The following BABAM2 variants were observed in gnomAD, a reference collection of about 807,000 sequenced individuals.
The protein encoded by BABAM2 is BRISC and BRCA1-A complex member 2.
Under a neutral mutation model 54.7 loss-of-function variants are expected in BABAM2, and 31 were observed. That is an observed-to-expected ratio of 0.57 (90% CI 0.43 to 0.77). BABAM2 has a LOEUF of 0.77. Among genes scored for constraint, BABAM2 ranks in the 30% least tolerant of loss-of-function variants. BABAM2 has a pLI of 0.00. For missense variants in BABAM2, 364 were observed against 455.8 expected (o/e 0.80, Z 1.83); for synonymous variants, 167 against 162.9 (o/e 1.03, Z -0.19).
intron 11 of BABAM2, among the ~76,000 whole-genome samples, chr2:28,330,282 A>T (rs953818504): frequency 6.6e-6 from 1 of 152,238 alleles, no homozygotes; most frequent in South Asian, 2.1e-4. Flanking sequence ...CAAGACAAGG[A>T]TGCCCTCTCT....
intron 2 of BABAM2, among the ~76,000 whole-genome samples, chr2:27,899,607 C>A (rs753723960): frequency 1.1e-4 from 16 of 151,822 alleles, no homozygotes; most frequent in Admixed American, 6.6e-5. Flanking sequence ...TGAGTAGCTA[C>A]AGCGTCCGCC....
At chr2:27,903,787 CT>C (rs1333161111) in intron 2 of BABAM2, among the ~76,000 whole-genome samples, 1 of 152,138 alleles carries the variant, frequency 6.6e-6, no homozygotes, top group East Asian at 1.9e-4. Flanking sequence ...GCACAAATTT[CT>C]TTTTCCTTCT....
chr2:28,013,665 TAAAAAAA>T (rs55636414), intron 4 of BABAM2, among the ~76,000 whole-genome samples: 1 of 58,066 alleles, frequency 1.7e-5, no homozygotes, highest in Admixed American at 1.9e-4. Context: ...GTCCAGCAAG[TAAAAAAA>T]AAAAAAAAAA....
At chr2:28,276,337 G>A (rs1388177190) in intron 10 of BABAM2, among the ~76,000 whole-genome samples, 1 of 151,966 alleles carries the variant, frequency 6.6e-6, no homozygotes, top group African/African-American at 2.4e-5. Context: ...TGCAGACACA[G>A]CACCGAGATA....
chr2:28,280,222 C>T (rs1273618041), intron 10 of BABAM2, among the ~76,000 whole-genome samples: 3 of 151,900 alleles, frequency 2.0e-5, no homozygotes, highest in African/African-American at 7.3e-5. Flanking sequence ...CCACACTCAG[C>T]ACATTTTTTT....
At chr2:28,163,812 G>A (rs1240849759) in intron 7 of BABAM2, among the ~76,000 whole-genome samples, 1 of 152,196 alleles carries the variant, frequency 6.6e-6, no homozygotes, top group Non-Finnish European at 1.5e-5. Context: ...CTAAGGTAAT[G>A]TGATCTATCG....
At chr2:28,323,026 A>G (rs1054382589) in intron 11 of BABAM2, among the ~76,000 whole-genome samples, 1 of 152,212 alleles carries the variant, frequency 6.6e-6, no homozygotes, top group African/African-American at 2.4e-5. Flanking sequence ...GCGGCAGGCC[A>G]AGGAGGGCTC....
chr2:28,309,730 A>G lies in BABAM2; in HGVS notation c.1088+11239A>G, dbSNP rs370289032. ...ATGGACTGTCATCCCCTGTGGTTGT[A>G]TCTTCTTGGTACCAGCACAACCAGC... On this transcript the variant is annotated intron_variant, in intron 11 of 11. Coordinates refer to ENST00000379624, the MANE Select transcript of BABAM2 (RefSeq NM_199191.3). Among the ~76,000 whole-genome samples the G allele has an allele frequency of 3.3e-5, 5 of 152,146 alleles. No homozygotes were observed. The East Asian group carries it at 7.7e-4, about 23-fold the overall frequency.
intron 6 of BABAM2, among the ~76,000 whole-genome samples, chr2:28,072,594 C>T (rs1664261965): frequency 6.6e-6 from 1 of 152,100 alleles, no homozygotes; most frequent in Admixed American, 6.6e-5. Flanking sequence ...ACTGTGTTAG[C>T]CAGGATGGTC....
intron 7 of BABAM2, among the ~76,000 whole-genome samples, chr2:28,138,650 T>A (rs1670751710): frequency 6.6e-6 from 1 of 152,200 alleles, no homozygotes; most frequent in Non-Finnish European, 1.5e-5. Flanking sequence ...ACTTCCTGTC[T>A]TCCTGTCCCC....
chr2:28,012,274 G>T (rs1371779873), intron 4 of BABAM2, among the ~76,000 whole-genome samples: 1 of 152,164 alleles, frequency 6.6e-6, no homozygotes, highest in African/African-American at 2.4e-5. Flanking sequence ...AATCATATTT[G>T]CTAATTCCCT....
chr2:28,052,121 G>C (rs752512551), intron 6 of BABAM2, among the ~76,000 whole-genome samples: 1 of 152,064 alleles, frequency 6.6e-6, no homozygotes, highest in Non-Finnish European at 1.5e-5. Flanking sequence ...GTGTTCATGA[G>C]GATATGAATG....
intron 7 of BABAM2, among the ~76,000 whole-genome samples, chr2:28,203,568 T>C (rs1250638388): frequency 6.6e-6 from 1 of 152,244 alleles, no homozygotes; most frequent in Non-Finnish European, 1.5e-5. Flanking sequence ...ATCTCCACTC[T>C]TCCCATTCCC....
chr2:28,081,149 C>T (rs1313303144), intron 6 of BABAM2, among the ~76,000 whole-genome samples: 1 of 152,196 alleles, frequency 6.6e-6, no homozygotes, highest in Admixed American at 6.5e-5. Flanking sequence ...AAACGTAGTG[C>T]AGCCAGCCAC....
At chr2:28,085,526 G>C (rs1489879340) in intron 6 of BABAM2, among the ~76,000 whole-genome samples, 4 of 152,132 alleles carry the variant, frequency 2.6e-5, no homozygotes, top group East Asian at 3.8e-4. Flanking sequence ...GATGTTCAGA[G>C]TTACAGAAAT....
chr2:27,895,058 A>G (rs938333091), intron 2 of BABAM2: 2 of 170,458 alleles, frequency 1.2e-5, no homozygotes, highest in Non-Finnish European at 2.5e-5. Context: ...AACTCTCTTA[A>G]TGTGAATATT....
intron 6 of BABAM2, among the ~76,000 whole-genome samples, chr2:28,127,624 A>G (rs542902098): frequency 6.6e-6 from 1 of 152,186 alleles, no homozygotes; most frequent in South Asian, 2.1e-4. Flanking sequence ...CTGTGTATAC[A>G]TGTCACACTC....
chr2:27,969,574 CAAGCTACCTTCTA>C (rs1354432583), intron 3 of BABAM2, among the ~76,000 whole-genome samples: 2 of 152,132 alleles, frequency 1.3e-5, no homozygotes, highest in Non-Finnish European at 2.9e-5. Context: ...ATATACTGGC[CAAGCTACCTTCTA>C]GGCCAGGTAA....
intron 2 of BABAM2, among the ~76,000 whole-genome samples, chr2:27,922,925 A>T (rs1667439919): frequency 6.6e-6 from 1 of 152,186 alleles, no homozygotes; most frequent in Non-Finnish European, 1.5e-5. Flanking sequence ...TATAAATATA[A>T]TTTTAATGTA....
Sources: gnomAD v4.1 joint callset for allele counts (sites outside exome capture counted in the v4.1 genomes callset) on GRCh38, gnomAD v4.1.1 for gene constraint, MANE v1.5 for transcripts, NCBI Gene and HGNC (gene_info 2026-07-23, HGNC 2026-07-21) for gene names.